CBFA2T3: variants seen among roughly 807,000 people sequenced by gnomAD.
The protein encoded by CBFA2T3 is transcriptional corepressor CBFA2T3.
In CBFA2T3, 31 loss-of-function variants were observed where a neutral mutation model predicts 58.6. The ratio of observed to expected loss-of-function variants is 0.53; its 90% CI spans 0.40 to 0.71. CBFA2T3 has a LOEUF of 0.71. Among genes scored for constraint, CBFA2T3 ranks in the 30% least tolerant of loss-of-function variants. The pLI is 0.00. For synonymous variants in CBFA2T3, 531 were observed against 421.9 expected (o/e 1.26, Z -3.17); for missense variants, 1,076 against 963.1 (o/e 1.12, Z -1.55).
Position 88,877,142 on chromosome 16 carries a change from G to C in CBFA2T3, c.1796C>G (p.Pro599Arg). 1 of 1,550,152 alleles carries C rather than the reference G, an allele frequency of 6.5e-7. No individual in the cohort carries two copies. Among genetic ancestry groups the C allele is most frequent in the Non-Finnish European group, 8.7e-7 (1 of 1,147,418 alleles). The change falls in exon 12 of 12, where the codon CCC (proline) becomes CGC (arginine). Residue 599 changes from proline to arginine, a missense_variant. By Grantham distance (103) the Pro-to-Arg change is moderately radical. Transcript: ENST00000268679. ...CACCGGGTCGGCCACCACGGCTGTGGGGCCCTGCAGGCTCTGGCCACACAC... is the reference window on the plus strand; with the variant it reads ...CACCGGGTCGGCCACCACGGCTGTGCGGCCCTGCAGGCTCTGGCCACACAC... Reference protein sequence around the residue: ...HHVCGQSLQGPTAVVADPVPG... With the variant: ...HHVCGQSLQGRTAVVADPVPG...
At position 88,903,224 on chromosome 16, in the gene CBFA2T3, C is replaced by G. The variant is rs181184202; in HGVS notation, c.152-1568G>C. Reference sequence around the variant, plus strand: ...CAGCGATCACATGCCAAATACGGCACAAACCTCTGCTGATCCTCTTGCCGC... The same window carrying G: ...CAGCGATCACATGCCAAATACGGCAGAAACCTCTGCTGATCCTCTTGCCGC... On this transcript the variant is annotated intron_variant, in intron 1 of 11. Coordinates refer to ENST00000268679, the MANE Select transcript of CBFA2T3 (RefSeq NM_005187.6). 2.1e-3 allele frequency among the ~76,000 whole-genome samples: 320 copies of G among 152,346 alleles called. 1 individual carries two copies. The highest frequency in any genetic ancestry group is 7.4e-3 in the African/African-American group (307 of 41,578).
chr16:88,895,744 C>T (rs923195057), intron 3 of CBFA2T3, among the ~76,000 whole-genome samples: 5 of 152,202 alleles, frequency 3.3e-5, no homozygotes, highest in Non-Finnish European at 7.4e-5. Context: ...GGGGATGCTA[C>T]AGAGGCCCTC....
chr16:88,892,466 G>C lies in CBFA2T3; in HGVS notation c.399C>G (p.His133Gln). 1 of 1,612,966 alleles carries C rather than the reference G, an allele frequency of 6.2e-7. No homozygotes were observed. ...MVCLLMNGSS[H>Q]SPTAINGAPC... is the part of the protein sequence containing the mutation. ...GTGCACCATTGATGGCTGTTGGTGA[G>C]TGGCTGCTGCCGTTCATCACTGCAG... Residue 133 changes from histidine (H) to glutamine (Q), a missense_variant, in exon 4 of 12, where the codon CAC becomes CAG. By Grantham distance (24) the His-to-Gln change is conservative. Coordinates refer to ENST00000268679, the MANE Select transcript of CBFA2T3 (RefSeq NM_005187.6).
At chr16:88,904,739 A>G (rs1970238053) in intron 1 of CBFA2T3, among the ~76,000 whole-genome samples, 2 of 151,576 alleles carry the variant, frequency 1.3e-5, no homozygotes, top group Non-Finnish European at 2.9e-5. Context: ...GTGCGGGGGC[A>G]GCTGTGCAGG....
intron 1 of CBFA2T3, among the ~76,000 whole-genome samples, chr16:88,973,259 T>C (rs1003144123): frequency 1.3e-5 from 2 of 152,122 alleles, no homozygotes; most frequent in Non-Finnish European, 2.9e-5. Context: ...GGCTGGGCCT[T>C]AGAAGAAGGA....
At chr16:88,891,075 T>G (rs918031186) in intron 5 of CBFA2T3, among the ~76,000 whole-genome samples, 3 of 152,138 alleles carry the variant, frequency 2.0e-5, no homozygotes, top group Non-Finnish European at 4.4e-5. Flanking sequence ...ACGGTTGATC[T>G]GGGTGTGACC....
intron 1 of CBFA2T3, among the ~76,000 whole-genome samples, chr16:88,908,577 G>GC (rs1283575922): frequency 2.6e-5 from 4 of 152,146 alleles, no homozygotes; most frequent in Admixed American, 1.3e-4. Context: ...CACCCAGCCC[G>GC]CCCTGCCCAG....
In CBFA2T3 at chr16:88,876,032, AT is replaced by A. The variant is rs1968818737; in HGVS notation, c.*943del. 4.3e-6 allele frequency: 1 copy of A among 232,386 alleles called. No individual in the cohort carries two copies. Among genetic ancestry groups the A allele is most frequent in the African/African-American group, 2.2e-5 (1 of 45,270 alleles). The allele number at this position is 232,386 out of a possible 1,614,324, so 14.4% of individuals were successfully genotyped here. ...AAATATCCCGACACCCACAAACAAA[AT>A]CAGAACAGAAGAGAAAAAGACCCAC... On this transcript the variant is annotated 3_prime_UTR_variant, in exon 12 of 12. Coordinates refer to ENST00000268679, the MANE Select transcript of CBFA2T3 (RefSeq NM_005187.6).
chr16:88,877,350 A>G lies in CBFA2T3; in HGVS notation c.1663-75T>C, dbSNP rs1968879381. Reference sequence around the variant, plus strand: ...CCCCAACACACGCCTCAACCAAGCCATTCAGACCCAGCCACGTCATCACCA... The same window carrying G: ...CCCCAACACACGCCTCAACCAAGCCGTTCAGACCCAGCCACGTCATCACCA... On this transcript the variant is annotated intron_variant, in intron 11 of 11. Coordinates refer to ENST00000268679, the MANE Select transcript of CBFA2T3 (RefSeq NM_005187.6). 12 of 1,226,356 alleles carry G rather than the reference A, an allele frequency of 9.8e-6. No individual in the cohort carries two copies. In the Middle Eastern group the frequency reaches 1.6e-3, roughly 165 times the overall value. The allele number at this position is 1,226,356 out of a possible 1,614,324, so 76.0% of individuals were successfully genotyped here. A position where few individuals can be genotyped will look rare whatever the true frequency, so the allele number is the denominator to read the frequency against.
intron 8 of CBFA2T3, 41 bp from the exon 9 acceptor site, chr16:88,881,530 C>CGGGACACTCAGA (rs1969080755): frequency 6.4e-7 from 1 of 1,567,278 alleles, no homozygotes; most frequent in Non-Finnish European, 8.7e-7. Context: ...TCAGAGGGAC[C>CGGGACACTCAGA]GGGACGCACC....
rs1972798264 is a variant in CBFA2T3 at position 88,975,164 on chromosome 16, A to AT, written c.151+1492_151+1493insA. On this transcript the variant is annotated intron_variant, in intron 1 of 11. Coordinates refer to ENST00000268679, the MANE Select transcript of CBFA2T3 (RefSeq NM_005187.6). The stretch of plus-strand genomic sequence containing the variant: ...GCAGCCATGTCAGAGGTCCACCCTG[A>AT]CCCTCTCTGCTCCACATCTTTAGCC... Among the ~76,000 whole-genome samples the AT allele has an allele frequency of 1.0e-4, 11 of 108,174 alleles. 1 individual carries two copies. The highest frequency in any genetic ancestry group is 4.9e-4 in the East Asian group (2 of 4,076). 71.0% of individuals were successfully genotyped at this position (108,174 alleles called of 152,430 possible).
At chr16:88,910,034 C>T (rs1255761381) in intron 1 of CBFA2T3, among the ~76,000 whole-genome samples, 8 of 152,350 alleles carry the variant, frequency 5.3e-5, no homozygotes, top group East Asian at 1.9e-4. Context: ...CACAGTGGCC[C>T]GGCTGTTCCT....
At chr16:88,893,393 G>A (rs1047098903) in intron 3 of CBFA2T3, among the ~76,000 whole-genome samples, 6 of 152,022 alleles carry the variant, frequency 3.9e-5, no homozygotes, top group Non-Finnish European at 7.4e-5. Context: ...GTGTCTCCCA[G>A]CCCTGAGCAA....
Position 88,885,291 on chromosome 16 carries a change from G to T in CBFA2T3, c.894-22C>A. ...GGTCCTAGCCCCAAGAGCAGGTGGG[G>T]CGAGGGCAGTGGACATAGGATGAAC... is the stretch of plus-strand genomic sequence containing the variant. On this transcript the variant is annotated intron_variant, in intron 6 of 11. Transcript: ENST00000268679. This position sits in a 1 kb window ranked among gnomAD's most constrained non-coding sequence, Gnocchi z 5.3. The T allele has an allele frequency of 3.3e-6, 5 of 1,503,534 alleles. No individual in the cohort carries two copies. In the South Asian group the frequency reaches 5.2e-5, roughly 16 times the overall value. 93.1% of individuals were successfully genotyped at this position (1,503,534 alleles called of 1,614,324 possible).
chr16:88,906,435 C>T lies in CBFA2T3; in HGVS notation c.152-4779G>A, dbSNP rs553893049. ...AAGACCACTTGCTGACCCTGCTCCC[C>T]GCTCCAGCCGCAAGACGGCCCCGTC... On this transcript the variant is annotated intron_variant, in intron 1 of 11. Transcript: ENST00000268679. 1.1e-4 allele frequency among the ~76,000 whole-genome samples: 17 copies of T among 152,370 alleles called. 1 individual carries two copies. In the South Asian group the frequency reaches 2.9e-3, roughly 26 times the overall value.
chr16:88,941,610 G>T (rs1333089493), intron 1 of CBFA2T3, among the ~76,000 whole-genome samples: 31 of 146,226 alleles, frequency 2.1e-4, no homozygotes, highest in Non-Finnish European at 4.1e-4. Context: ...CGGGGAGGGG[G>T]CGACGGGCGC....
At chr16:88,884,758 C>T (rs746551747) in intron 7 of CBFA2T3, 1 of 363,468 alleles carries the variant, frequency 2.8e-6, no homozygotes, top group African/African-American at 2.1e-5. Flanking sequence ...CGTGACTCAC[C>T]TGTGGGTGGA....
At chr16:88,888,325 C>G (rs926177241) in intron 5 of CBFA2T3, among the ~76,000 whole-genome samples, 12 of 148,022 alleles carry the variant, frequency 8.1e-5, no homozygotes, top group Non-Finnish European at 1.3e-4. Context: ...ACCCCTCCCC[C>G]AGCCCAGGCC....
intron 1 of CBFA2T3, among the ~76,000 whole-genome samples, chr16:88,908,952 G>A (rs1970431389): frequency 4.6e-5 from 7 of 152,194 alleles, no homozygotes; most frequent in Admixed American, 2.0e-4. Flanking sequence ...ACTGAGGCAC[G>A]GGCCCTGGGC....
Sources: allele counts gnomAD v4.1 joint callset (sites outside exome capture counted in the v4.1 genomes callset), GRCh38; gene constraint gnomAD v4.1.1; non-coding constraint Gnocchi (gnomAD v3.1); transcripts MANE v1.5; gene names NCBI Gene and HGNC (gene_info 2026-07-23, HGNC 2026-07-21).